CTNNA2: variants seen among roughly 807,000 people sequenced by gnomAD.
The protein encoded by CTNNA2 is catenin alpha-2.
In CTNNA2, 42 loss-of-function variants were observed where a neutral mutation model predicts 101.0. That is an observed-to-expected ratio of 0.42 (90% CI 0.32 to 0.54). CTNNA2 has a LOEUF of 0.54. Ranked by LOEUF, CTNNA2 falls within the 20% of genes least tolerant of loss-of-function variation. The pLI, the probability that CTNNA2 is intolerant of heterozygous loss-of-function variation, is 0.14. For synonymous variants in CTNNA2, 450 were observed against 456.4 expected (o/e 0.99, Z 0.18); for missense variants, 871 against 1,223.1 (o/e 0.71, Z 4.29).
At chr2:79,502,527 C>A (rs1671331343) in intron 4 of CTNNA2, among the ~76,000 whole-genome samples, 3 of 152,100 alleles carry the variant, frequency 2.0e-5, no homozygotes, top group Admixed American at 2.0e-4. Context: ...GTACTAGAAT[C>A]CTCAAAACTG....
At chr2:80,619,249 A>T in intron 18 of CTNNA2, 21 bp downstream of exon 18, 1 of 1,505,870 alleles carries the variant, frequency 6.6e-7, no homozygotes, top group East Asian at 2.4e-5. Context: ...TGACTTTCTA[A>T]TCTAATGTCT....
At position 79,994,152 on chromosome 2, in the gene CTNNA2, A is replaced by T. The variant is rs1036078773; in HGVS notation, c.1056+84355A>T. ...AGGCTGGTCTTGAACTCCTGGGCTC[A>T]AATGATCCTCTCACCTTGGCCTCCC... On this transcript the variant is annotated intron_variant, in intron 7 of 18. Coordinates refer to ENST00000402739, the MANE Select transcript of CTNNA2 (RefSeq NM_001282597.3). Among the ~76,000 whole-genome samples, 49 of 152,138 alleles carry T rather than the reference A, an allele frequency of 3.2e-4. 1 individual carries two copies. The highest frequency in any genetic ancestry group is 4.4e-5 in the Non-Finnish European group (3 of 68,020).
intron 7 of CTNNA2, among the ~76,000 whole-genome samples, chr2:80,297,122 G>A (rs1460591161): frequency 6.6e-6 from 1 of 152,174 alleles, no homozygotes; most frequent in Admixed American, 6.5e-5. Flanking sequence ...AGTGACCAGA[G>A]CAAACAAGTC....
In CTNNA2 at chr2:80,634,210, T is replaced by G. The variant is rs372910051; in HGVS notation, c.2575-13375T>G. Among the ~76,000 whole-genome samples the G allele has an allele frequency of 2.5e-4, 38 of 152,134 alleles. No homozygotes were observed. The South Asian group carries it at 7.5e-3, about 30-fold the overall frequency. Reference sequence around the variant, plus strand: ...TGAACAAGAAACATAAAAATATGAGTATATAAGAATATTAAAATAGAGAAA... The same window carrying G: ...TGAACAAGAAACATAAAAATATGAGGATATAAGAATATTAAAATAGAGAAA... On this transcript the variant is annotated intron_variant, in intron 18 of 18. Coordinates refer to ENST00000402739, the MANE Select transcript of CTNNA2 (RefSeq NM_001282597.3).
At chr2:79,289,478 C>T (rs904182577) in intron 2 of CTNNA2, among the ~76,000 whole-genome samples, 1 of 151,434 alleles carries the variant, frequency 6.6e-6, no homozygotes, top group Non-Finnish European at 1.5e-5. Context: ...ATTCAGCAAC[C>T]AGGCCAGGCG....
At chr2:79,468,723 A>G (rs913586946) in intron 4 of CTNNA2, among the ~76,000 whole-genome samples, 13 of 152,206 alleles carry the variant, frequency 8.5e-5, no homozygotes, top group African/African-American at 3.1e-4. Context: ...AGATTAAGAA[A>G]CGCACTCAAA....
chr2:79,316,226 T>C (rs765926042), intron 3 of CTNNA2, among the ~76,000 whole-genome samples: 1 of 152,106 alleles, frequency 6.6e-6, no homozygotes, highest in Non-Finnish European at 1.5e-5. Flanking sequence ...TTGAATTGTA[T>C]TGACACCTTT....
At chr2:80,034,597 GC>G (rs1695532089) in intron 7 of CTNNA2, among the ~76,000 whole-genome samples, 1 of 151,966 alleles carries the variant, frequency 6.6e-6, no homozygotes. Flanking sequence ...CAGGTGATCC[GC>G]CCGCTTCTGC....
intron 7 of CTNNA2, among the ~76,000 whole-genome samples, chr2:80,043,083 CTTTCTTTCTT>C (rs1443043478): frequency 0.041 from 896 of 21,714 alleles, 12 homozygotes; most frequent in Non-Finnish European, 0.061. Flanking sequence ...TTCTTTCTTT[CTTTCTTTCTT>C]TCTCTCTCTC....
intron 7 of CTNNA2, among the ~76,000 whole-genome samples, chr2:80,230,837 G>A (rs1709167730): frequency 6.6e-6 from 1 of 152,058 alleles, no homozygotes; most frequent in Admixed American, 6.6e-5. Flanking sequence ...TTTTTATTCT[G>A]TCAGCCAATA....
At chr2:80,179,478 A>G (rs1167364918) in intron 7 of CTNNA2, among the ~76,000 whole-genome samples, 1 of 151,958 alleles carries the variant, frequency 6.6e-6, no homozygotes, top group African/African-American at 2.4e-5. Context: ...GGTTCACGCC[A>G]TTCTCCTGCC....
chr2:79,803,461 G>A (rs1676324148), intron 3 of CTNNA2, among the ~76,000 whole-genome samples: 1 of 152,236 alleles, frequency 6.6e-6, no homozygotes, highest in Admixed American at 6.5e-5. Context: ...ATGAAGGGAT[G>A]GGCCGAATTA....
intron 9 of CTNNA2, among the ~76,000 whole-genome samples, chr2:80,461,991 G>A (rs1443979423): frequency 6.6e-6 from 1 of 152,138 alleles, no homozygotes; most frequent in Non-Finnish European, 1.5e-5. Context: ...ATCATTCACT[G>A]GGCAATAAAA....
intron 6 of CTNNA2, 123 bp from the exon 7 acceptor site, chr2:79,909,471 A>C: frequency 1.5e-6 from 1 of 684,936 alleles, no homozygotes; most frequent in South Asian, 2.4e-5. Flanking sequence ...GAATTTGAGT[A>C]ACCAGTTTCT....
At chr2:79,901,960 G>T (rs1028994315) in intron 6 of CTNNA2, among the ~76,000 whole-genome samples, 2 of 152,176 alleles carry the variant, frequency 1.3e-5, no homozygotes, top group Non-Finnish European at 2.9e-5. Flanking sequence ...GAAAGACTGA[G>T]CAATATTTGT....
chr2:80,242,821 G>A (rs879780262), intron 7 of CTNNA2, among the ~76,000 whole-genome samples: 2 of 152,144 alleles, frequency 1.3e-5, no homozygotes, highest in Non-Finnish European at 2.9e-5. Flanking sequence ...AACTCTGGGT[G>A]GTGTGTTTTC....
intron 7 of CTNNA2, among the ~76,000 whole-genome samples, chr2:80,331,222 T>C (rs1435763322): frequency 1.3e-5 from 2 of 152,152 alleles, no homozygotes; most frequent in East Asian, 1.9e-4. Flanking sequence ...ACATTAGGTA[T>C]TCGTTATCAC....
At chr2:80,223,603 C>T (rs1479141925) in intron 7 of CTNNA2, among the ~76,000 whole-genome samples, 1 of 152,194 alleles carries the variant, frequency 6.6e-6, no homozygotes, top group East Asian at 1.9e-4. Context: ...TTTTCTCAGT[C>T]TCCTTAAACA....
chr2:79,563,171 AT>A (rs1002190675), intron 1 of CTNNA2, among the ~76,000 whole-genome samples: 3 of 90,386 alleles, frequency 3.3e-5, no homozygotes, highest in Non-Finnish European at 5.3e-5. Flanking sequence ...GTATATATAT[AT>A]ATATATATAT....
Sources: gnomAD v4.1 joint callset for allele counts (sites outside exome capture counted in the v4.1 genomes callset) on GRCh38, gnomAD v4.1.1 for gene constraint, MANE v1.5 for transcripts, NCBI Gene and HGNC (gene_info 2026-07-23, HGNC 2026-07-21) for gene names.